Variants in DLG2 observed in about 807,000 individuals in gnomAD.
DLG2 encodes the protein discs large MAGUK scaffold protein 2.
DLG2 carries 45 observed loss-of-function variants against 132.5 expected under a neutral mutation model. That is an observed-to-expected ratio of 0.34 (90% CI 0.27 to 0.44). The LOEUF (loss-of-function observed/expected upper bound fraction) is 0.44, where lower values mean the gene tolerates loss of function less well. Ranked by LOEUF, DLG2 falls within the 20% of genes least tolerant of loss-of-function variation. The pLI is 1.00. For missense variants in DLG2, 1,045 were observed against 1,196.9 expected, an observed-to-expected ratio of 0.87 and a Z score of 1.87; for synonymous variants, 424 against 419.6, an observed-to-expected ratio of 1.01 and a Z score of -0.13.
chr11:85,525,635 T>G (rs1230182374), intron 3 of DLG2, among the ~76,000 whole-genome samples: 1 of 152,086 alleles, frequency 6.6e-6, no homozygotes, highest in South Asian at 2.1e-4. Flanking sequence ...GCAAAATATA[T>G]GAAATAATAA....
At chr11:84,471,853 G>A (rs1325091215) in intron 7 of DLG2, among the ~76,000 whole-genome samples, 12 of 151,686 alleles carry the variant, frequency 7.9e-5, no homozygotes, top group Admixed American at 7.9e-4. Context: ...AGCTACTGGT[G>A]TTAAGATAAA....
chr11:84,475,151 G>T (rs1462524663), intron 7 of DLG2, among the ~76,000 whole-genome samples: 2 of 152,104 alleles, frequency 1.3e-5, no homozygotes, highest in Admixed American at 1.3e-4. Context: ...GTTCTTGGCT[G>T]GCACAGCCTG....
At chr11:83,929,333 T>C (rs1434442648) in intron 15 of DLG2, among the ~76,000 whole-genome samples, 1 of 152,164 alleles carries the variant, frequency 6.6e-6, no homozygotes, top group Non-Finnish European at 1.5e-5. Flanking sequence ...TATGAAGATA[T>C]TCCTGTCTGA....
intron 18 of DLG2, among the ~76,000 whole-genome samples, chr11:83,664,806 A>T (rs761597931): frequency 4.6e-5 from 7 of 152,142 alleles, no homozygotes; most frequent in Non-Finnish European, 7.4e-5. Context: ...CAAGTTTCTC[A>T]TTCTGGAAAG....
At chr11:84,532,045 T>C (rs1244380646) in intron 7 of DLG2, among the ~76,000 whole-genome samples, 1 of 151,360 alleles carries the variant, frequency 6.6e-6, no homozygotes, top group East Asian at 1.9e-4. Flanking sequence ...TTCAGATAAT[T>C]ATATTATCAT....
chr11:84,015,716 C>T (rs369780146), intron 11 of DLG2, among the ~76,000 whole-genome samples: 5 of 152,266 alleles, frequency 3.3e-5, no homozygotes, highest in East Asian at 1.9e-4. Flanking sequence ...GACATGACCT[C>T]GTTCCTCTTT....
intron 6 of DLG2, among the ~76,000 whole-genome samples, chr11:84,779,195 C>T (rs1180654915): frequency 6.2e-5 from 5 of 80,992 alleles, no homozygotes; most frequent in Middle Eastern, 6.9e-3. Context: ...TATATGTGCG[C>T]ACACACACAC....
chr11:84,996,202 T>C (rs1471165212), intron 6 of DLG2, among the ~76,000 whole-genome samples: 1 of 152,160 alleles, frequency 6.6e-6, no homozygotes, highest in Non-Finnish European at 1.5e-5. Flanking sequence ...TTTGTTTTTA[T>C]TTATTTATCT....
chr11:85,482,651 C>T (rs1263458756), intron 3 of DLG2, among the ~76,000 whole-genome samples: 1 of 152,124 alleles, frequency 6.6e-6, no homozygotes, highest in Non-Finnish European at 1.5e-5. Flanking sequence ...GGCTCCAGGC[C>T]AGCCTAATGG....
intron 6 of DLG2, among the ~76,000 whole-genome samples, chr11:85,049,403 G>T (rs923283839): frequency 2.0e-5 from 3 of 152,006 alleles, no homozygotes; most frequent in Non-Finnish European, 4.4e-5. Context: ...CACTATGTCT[G>T]CAATATGGAA....
At chr11:85,447,001 A>G (rs2092040200) in intron 3 of DLG2, among the ~76,000 whole-genome samples, 1 of 152,182 alleles carries the variant, frequency 6.6e-6, no homozygotes, top group Non-Finnish European at 1.5e-5. Context: ...GAGAAAGGCA[A>G]CACAGTGTGC....
At chr11:83,691,522 G>A (rs767209699) in intron 18 of DLG2, among the ~76,000 whole-genome samples, 39 of 152,148 alleles carry the variant, frequency 2.6e-4, no homozygotes, top group Non-Finnish European at 4.6e-4. Flanking sequence ...TGATGAAAAG[G>A]ACGTGTGATG....
intron 15 of DLG2, among the ~76,000 whole-genome samples, chr11:83,902,001 T>G (rs895830821): frequency 6.6e-6 from 1 of 151,510 alleles, no homozygotes; most frequent in Non-Finnish European, 1.5e-5. Flanking sequence ...CATTATTAAC[T>G]ACTTTTCCAC....
chr11:84,619,328 A>T (rs972700097), intron 6 of DLG2, among the ~76,000 whole-genome samples: 1 of 151,888 alleles, frequency 6.6e-6, no homozygotes, highest in African/African-American at 2.4e-5. Context: ...ATCATATATT[A>T]TATAATACCA....
chr11:84,326,690 T>A (rs565282135), intron 7 of DLG2, among the ~76,000 whole-genome samples: 1 of 152,328 alleles, frequency 6.6e-6, no homozygotes, highest in Admixed American at 6.5e-5. Flanking sequence ...ATAATGCATA[T>A]TCTCCTGCTG....
rs916866285 is a variant in DLG2, at chr11:84,761,484, G to A, written c.358-226753C>T. On this transcript the variant is annotated intron_variant, in intron 6 of 27. Transcript: ENST00000376104. ...CATTCGTGTCAGTGGACTGGGAAGG[G>A]CAGACCCACCCTCATTCTAGGTGGG... 1.6e-4 allele frequency among the ~76,000 whole-genome samples: 24 copies of A among 152,168 alleles called. 1 individual carries two copies. The highest frequency in any genetic ancestry group is 4.4e-5 in the Non-Finnish European group (3 of 68,038).
At chr11:83,850,994 G>T (rs1177225145) in intron 16 of DLG2, among the ~76,000 whole-genome samples, 2 of 152,026 alleles carry the variant, frequency 1.3e-5, no homozygotes, top group Non-Finnish European at 2.9e-5. Context: ...GGCTAACACG[G>T]TGAAACCCCG....
chr11:83,597,556 T>C (rs1359691972), intron 19 of DLG2, among the ~76,000 whole-genome samples: 1 of 151,744 alleles, frequency 6.6e-6, no homozygotes, highest in Non-Finnish European at 1.5e-5. Context: ...AATTATCCAG[T>C]CATGGTAGTG....
In DLG2 at chr11:84,896,804, A is replaced by G. The variant is rs576379234; in HGVS notation, c.357+214857T>C. On this transcript the variant is annotated intron_variant, in intron 6 of 27. Transcript: ENST00000376104. Reference sequence around the variant, plus strand: ...TTATAATTGTTCTATTTTATTAATAATTGTTCATCTCTTACTGTGCATAAT... The same window carrying G: ...TTATAATTGTTCTATTTTATTAATAGTTGTTCATCTCTTACTGTGCATAAT... 2.6e-5 allele frequency among the ~76,000 whole-genome samples: 4 copies of G among 151,986 alleles called. No individual in the cohort carries two copies. In the South Asian group the frequency reaches 8.3e-4, roughly 32 times the overall value.
Sources: gnomAD v4.1 joint callset for allele counts (sites outside exome capture counted in the v4.1 genomes callset) on GRCh38, gnomAD v4.1.1 for gene constraint, MANE v1.5 for transcripts, NCBI Gene and HGNC (gene_info 2026-07-23, HGNC 2026-07-21) for gene names.